The following ADCY8 variants were observed in gnomAD, a reference collection of about 807,000 sequenced individuals.
The protein encoded by ADCY8 is adenylate cyclase type 8.
In ADCY8, 51 loss-of-function variants were observed where a neutral mutation model predicts 119.7. That is an observed-to-expected ratio of 0.43 (90% CI 0.34 to 0.54). ADCY8 has a LOEUF of 0.54. ADCY8 is among the 20% of genes least tolerant of loss of function. The pLI, the probability that ADCY8 is intolerant of heterozygous loss-of-function variation, is 0.03. For missense variants in ADCY8, 1,383 were observed against 1,598.8 expected (o/e 0.87, Z 2.30); for synonymous variants, 665 against 651.0 (o/e 1.02, Z -0.33).
chr8:130,853,616 A>G (rs1217988774), intron 9 of ADCY8, among the ~76,000 whole-genome samples: 1 of 147,106 alleles, frequency 6.8e-6, no homozygotes, highest in Non-Finnish European at 1.5e-5. Flanking sequence ...GATTGAACTT[A>G]TGTGTAATCT....
intron 14 of ADCY8, among the ~76,000 whole-genome samples, chr8:130,808,111 G>T (rs1166070305): frequency 2.0e-5 from 3 of 149,304 alleles, no homozygotes; most frequent in Non-Finnish European, 4.4e-5. Flanking sequence ...CCATTATTCA[G>T]CTACTTCTAT....
intron 8 of ADCY8, among the ~76,000 whole-genome samples, chr8:130,881,472 C>G (rs1452400615): frequency 1.3e-5 from 2 of 152,054 alleles, no homozygotes; most frequent in Non-Finnish European, 2.9e-5. Context: ...TCTTATTGTT[C>G]AAACGGAATA....
chr8:130,833,209 A>G (rs1266500426), intron 12 of ADCY8, among the ~76,000 whole-genome samples: 1 of 152,220 alleles, frequency 6.6e-6, no homozygotes, highest in Non-Finnish European at 1.5e-5. Flanking sequence ...CACAGTACTT[A>G]AAAAGTGGAC....
chr8:130,921,841 G>T (rs529496438), intron 5 of ADCY8, among the ~76,000 whole-genome samples: 9 of 152,196 alleles, frequency 5.9e-5, no homozygotes, highest in African/African-American at 1.9e-4. Flanking sequence ...ATGGTGCTGT[G>T]GTTTGAATAT....
intron 12 of ADCY8, 30 bp downstream of exon 12, chr8:130,836,247 C>T: frequency 6.3e-7 from 1 of 1,591,610 alleles, no homozygotes; most frequent in Non-Finnish European, 8.6e-7. Context: ...AAGTTGAGCA[C>T]ACTTTGGACT....
At chr8:130,843,019 A>G (rs942738686) in intron 11 of ADCY8, among the ~76,000 whole-genome samples, 2 of 151,824 alleles carry the variant, frequency 1.3e-5, no homozygotes, top group Middle Eastern at 3.4e-3. Context: ...GACATTGTGT[A>G]TTTACCTTGT....
chr8:130,798,258 T>A lies in ADCY8; in HGVS notation c.3060+2168A>T, dbSNP rs1815649664. Reference sequence around the variant, plus strand: ...TTATGATAGGAGGTTTTTCAGAGTATGAGTTTTTCATTAAAAAAGGAGTGA... The same window carrying A: ...TTATGATAGGAGGTTTTTCAGAGTAAGAGTTTTTCATTAAAAAAGGAGTGA... On this transcript the variant is annotated intron_variant, in intron 15 of 17. Coordinates refer to ENST00000286355, the MANE Select transcript of ADCY8 (RefSeq NM_001115.3). Among the ~76,000 whole-genome samples the A allele has an allele frequency of 3.9e-5, 6 of 152,262 alleles. 1 individual carries two copies. In the South Asian group the frequency reaches 1.2e-3, roughly 32 times the overall value.
chr8:130,952,041 G>A (rs1821290752), intron 2 of ADCY8, 43 bp from the exon 3 acceptor site: 8 of 1,607,264 alleles, frequency 5.0e-6, no homozygotes, highest in South Asian at 3.3e-5. Flanking sequence ...GCTGACCAGC[G>A]AGTCTCAGAT....
intron 8 of ADCY8, among the ~76,000 whole-genome samples, chr8:130,870,066 T>A (rs1586508919): frequency 6.7e-6 from 1 of 148,512 alleles, no homozygotes; most frequent in African/African-American, 2.5e-5. Flanking sequence ...CAGGCTGGAG[T>A]GCAGTGGTGC....
At chr8:130,956,176 TG>T in intron 2 of ADCY8, among the ~76,000 whole-genome samples, 1 of 152,250 alleles carries the variant, frequency 6.6e-6, no homozygotes, top group Non-Finnish European at 1.5e-5. Flanking sequence ...AAAAAATCTG[TG>T]GAACTAGATT....
intron 2 of ADCY8, among the ~76,000 whole-genome samples, chr8:130,962,080 T>C (rs1353555124): frequency 6.6e-6 from 1 of 152,194 alleles, no homozygotes; most frequent in Non-Finnish European, 1.5e-5. Context: ...ATTTTACTGG[T>C]AAAATTCTCA....
chr8:130,788,680 C>T (rs932771476), intron 15 of ADCY8, among the ~76,000 whole-genome samples: 1 of 152,052 alleles, frequency 6.6e-6, no homozygotes, highest in African/African-American at 2.4e-5. Context: ...AATGAATATG[C>T]TACTTATTCT....
At chr8:130,963,113 C>CT (rs764620332) in intron 2 of ADCY8, among the ~76,000 whole-genome samples, 3,588 of 130,334 alleles carry the variant, frequency 0.028, 150 homozygotes, top group African/African-American at 0.084. Context: ...GTTTTTCTTT[C>CT]TTTTTTTTTT....
At chr8:131,023,285 T>A (rs113882505) in intron 1 of ADCY8, among the ~76,000 whole-genome samples, 1,940 of 152,316 alleles carry the variant, frequency 0.013, 39 homozygotes, top group African/African-American at 0.045. Flanking sequence ...GACACTGGAA[T>A]CAACACCAAT....
rs576547191 is a variant in ADCY8, at chr8:130,843,345, T to C, written c.2502+4079A>G. 7.1e-4 allele frequency among the ~76,000 whole-genome samples: 108 copies of C among 152,314 alleles called. 1 individual carries two copies. Among genetic ancestry groups the C allele is most frequent in the African/African-American group, 2.5e-3 (103 of 41,570 alleles). ...TCCCATGTCAGTTTCCTCACATGCATGCACTGATTGAACCCTTTTCAGATC... is the reference window on the plus strand; with the variant it reads ...TCCCATGTCAGTTTCCTCACATGCACGCACTGATTGAACCCTTTTCAGATC... On this transcript the variant is annotated intron_variant, in intron 11 of 17. Coordinates refer to ENST00000286355, the MANE Select transcript of ADCY8 (RefSeq NM_001115.3).
At chr8:131,006,844 G>C (rs1364832128) in intron 1 of ADCY8, among the ~76,000 whole-genome samples, 1 of 152,192 alleles carries the variant, frequency 6.6e-6, no homozygotes, top group African/African-American at 2.4e-5. Context: ...TGAGTGCCAA[G>C]GCCAGATGAC....
intron 9 of ADCY8, among the ~76,000 whole-genome samples, chr8:130,859,946 G>C (rs1275656790): frequency 4.6e-5 from 7 of 152,070 alleles, no homozygotes; most frequent in Admixed American, 2.0e-4. Flanking sequence ...ATGCATTTAA[G>C]GTTCATTGAT....
intron 2 of ADCY8, among the ~76,000 whole-genome samples, chr8:130,969,303 C>A (rs1196147868): frequency 6.6e-6 from 1 of 152,164 alleles, no homozygotes; most frequent in Non-Finnish European, 1.5e-5. Flanking sequence ...GCAACATTGG[C>A]TCTTTCCTCA....
chr8:130,921,917 T>C (rs971336860), intron 5 of ADCY8, among the ~76,000 whole-genome samples: 1 of 151,898 alleles, frequency 6.6e-6, no homozygotes, highest in African/African-American at 2.4e-5. Context: ...TTTTAAGAGG[T>C]GATTGGATCA....
Sources: gnomAD v4.1 joint callset for allele counts (sites outside exome capture counted in the v4.1 genomes callset) on GRCh38, gnomAD v4.1.1 for gene constraint, MANE v1.5 for transcripts, NCBI Gene and HGNC (gene_info 2026-07-23, HGNC 2026-07-21) for gene names.